ZMYND12: variants seen among roughly 807,000 people sequenced by gnomAD.
ZMYND12 encodes zinc finger MYND domain-containing protein 12.
Under a neutral mutation model 41.7 loss-of-function variants are expected in ZMYND12, and 32 were observed. That is an observed-to-expected ratio of 0.77 (90% CI 0.58 to 1.03). The LOEUF (loss-of-function observed/expected upper bound fraction) is 1.03, where lower values mean the gene tolerates loss of function less well. Among genes scored for constraint, ZMYND12 ranks in the 50% least tolerant of loss-of-function variants. ZMYND12 has a pLI of 0.00. For missense variants in ZMYND12, 424 were observed against 438.5 expected (o/e 0.97, Z 0.30); for synonymous variants, 148 against 164.8 (o/e 0.90, Z 0.78).
intron 5 of ZMYND12, among the ~76,000 whole-genome samples, chr1:42,436,122 A>G (rs1302477962): frequency 1.3e-5 from 2 of 152,220 alleles, no homozygotes; most frequent in Admixed American, 6.5e-5. Context: ...GCTTGCTGCT[A>G]TGGGTATGAC....
In ZMYND12 at chr1:42,440,082, G is replaced by C. The variant is rs938467726; in HGVS notation, c.425-57C>G. 6.6e-6 allele frequency: 10 copies of C among 1,508,808 alleles called. No individual in the cohort carries two copies. The African/African-American group carries it at 1.4e-4, about 21-fold the overall frequency. 93.5% of individuals were successfully genotyped at this position (1,508,808 alleles called of 1,614,324 possible). The stretch of plus-strand genomic sequence containing the variant: ...CATATCCAGGCCAAAGAACACATGA[G>C]GAAATATGAGTCATTACCCATTCAC... On this transcript the variant is annotated intron_variant, in intron 3 of 7. Coordinates refer to ENST00000372565, the MANE Select transcript of ZMYND12 (RefSeq NM_032257.5).
chr1:42,438,433 TA>T (rs773470924), intron 4 of ZMYND12, among the ~76,000 whole-genome samples: 1 of 152,130 alleles, frequency 6.6e-6, no homozygotes, highest in African/African-American at 2.4e-5. Context: ...GAAACAAGGT[TA>T]CCAGGGCCCA....
chr1:42,455,782 C>T lies in ZMYND12; in HGVS notation c.110+106G>A, dbSNP rs192999779. ...GTCTTAAAGCCGTTTTGAGGTGTCC[C>T]TTGCAGAGTCAGGGGCAACGGCTAA... On this transcript the variant is annotated intron_variant, in intron 1 of 7. Transcript: ENST00000372565. 4.1e-5 allele frequency: 34 copies of T among 821,384 alleles called. No individual in the cohort carries two copies. In the East Asian group the frequency reaches 7.8e-4, roughly 19 times the overall value. The allele number at this position is 821,384 out of a possible 1,614,324, so 50.9% of individuals were successfully genotyped here. A position where few individuals can be genotyped will look rare whatever the true frequency, so the allele number is the denominator to read the frequency against.
At chr1:42,436,395 C>T in intron 5 of ZMYND12, 26 bp downstream of exon 5, 1 of 1,611,794 alleles carries the variant, frequency 6.2e-7, no homozygotes, top group Non-Finnish European at 8.5e-7. Flanking sequence ...AGAGTGAAGG[C>T]TCAGCTCCCA....
At chr1:42,448,264 G>A (rs1643044694) in intron 3 of ZMYND12, among the ~76,000 whole-genome samples, 1 of 152,180 alleles carries the variant, frequency 6.6e-6, no homozygotes, top group Non-Finnish European at 1.5e-5. Context: ...TTTTGTGCAG[G>A]CCAGCTTGAG....
At chr1:42,444,322 T>G (rs908170408) in intron 3 of ZMYND12, among the ~76,000 whole-genome samples, 2 of 152,184 alleles carry the variant, frequency 1.3e-5, no homozygotes, top group Admixed American at 6.5e-5. Context: ...ATATTTGAAC[T>G]CAGGCTCTCC....
intron 6 of ZMYND12, among the ~76,000 whole-genome samples, chr1:42,434,253 C>T (rs961472098): frequency 8.5e-5 from 13 of 152,308 alleles, no homozygotes; most frequent in African/African-American, 4.8e-5. Context: ...TGATGCTGTA[C>T]GGTACTATTC....
Position 42,430,605 on chromosome 1 carries a change from G to A in ZMYND12, c.*131C>T. The A allele has an allele frequency of 8.4e-7, 1 of 1,185,504 alleles. No homozygotes were observed. The allele number at this position is 1,185,504 out of a possible 1,614,324, so 73.4% of individuals were successfully genotyped here. A position where few individuals can be genotyped will look rare whatever the true frequency, so the allele number is the denominator to read the frequency against. On this transcript the variant is annotated 3_prime_UTR_variant, in exon 8 of 8. Transcript: ENST00000372565. ...TGTGTAAGAAAAAAATAACAGCTAT[G>A]TGTGCAATCCCAGGGGAAGAGGGTG...
At chr1:42,453,505 G>A (rs1247561190) in intron 1 of ZMYND12, among the ~76,000 whole-genome samples, 5 of 152,130 alleles carry the variant, frequency 3.3e-5, no homozygotes, top group Non-Finnish European at 2.9e-5. Flanking sequence ...AGCATTAATG[G>A]AGCATAACAG....
chr1:42,436,302 C>G, intron 5 of ZMYND12, 119 bp downstream of exon 5: 7 of 1,452,454 alleles, frequency 4.8e-6, no homozygotes, highest in Non-Finnish European at 6.6e-6. Context: ...GGGCAAGCCA[C>G]TTCATCTCTC....
At chr1:42,440,146 A>C in intron 3 of ZMYND12, 121 bp from the exon 4 acceptor site, 1 of 1,099,584 alleles carries the variant, frequency 9.1e-7, no homozygotes, top group Non-Finnish European at 1.2e-6. Context: ...TGACACAGAA[A>C]AACTCATACA....
In ZMYND12 at chr1:42,433,272, T is replaced by C. The variant is rs1460473354; in HGVS notation, c.846A>G (p.Ala282=). The C allele has an allele frequency of 1.9e-6, 3 of 1,608,838 alleles. No individual in the cohort carries two copies. The highest frequency in any genetic ancestry group is 2.5e-6 in the Non-Finnish European group (3 of 1,178,596). The change falls in exon 7 of 8, where the codon GCA becomes GCG. Residue 282 remains alanine, a synonymous_variant. Transcript: ENST00000372565. ...TTGAAGTCAGGATGCGAATGGCTTC[T>C]GCTTCTTGGGCTTCATCTGCATTGG... ...NDTGLDEAQE[A]EAIRILTSIL...
rs114338399 is a variant in ZMYND12 at position 42,449,333 on chromosome 1, G to A, written c.252+585C>T. Reference sequence around the variant, plus strand: ...GGCCAGACTCTTGGCATCTGTGGATGTTATGGGCTGAACTGTGTCCCCTGC... The same window carrying A: ...GGCCAGACTCTTGGCATCTGTGGATATTATGGGCTGAACTGTGTCCCCTGC... On this transcript the variant is annotated intron_variant, in intron 2 of 7. Coordinates refer to ENST00000372565, the MANE Select transcript of ZMYND12 (RefSeq NM_032257.5). Among the ~76,000 whole-genome samples the A allele has an allele frequency of 7.6e-3, 1,157 of 152,282 alleles. 16 individuals carry two copies. The highest frequency in any genetic ancestry group is 0.027 in the African/African-American group (1,109 of 41,540).
At chr1:42,440,965 G>T (rs941728807) in intron 3 of ZMYND12, among the ~76,000 whole-genome samples, 1 of 152,054 alleles carries the variant, frequency 6.6e-6, no homozygotes, top group African/African-American at 2.4e-5. Flanking sequence ...ACTGTGTCTG[G>T]CCTTAATTGT....
chr1:42,431,244 GA>G, intron 7 of ZMYND12, among the ~76,000 whole-genome samples: 1 of 152,120 alleles, frequency 6.6e-6, no homozygotes. Flanking sequence ...TTTTGACTTG[GA>G]AAGAGGCTCC....
At position 42,455,819 on chromosome 1, in the gene ZMYND12, C is replaced by CA. The variant is rs1569586330; in HGVS notation, c.110+68dup. ...GGGGCAACGGCTAACGCAAGGTACC[C>CA]AAGCCAGACCCGGGAAAGGGAGAGA... On this transcript the variant is annotated intron_variant, in intron 1 of 7. Coordinates refer to ENST00000372565, the MANE Select transcript of ZMYND12 (RefSeq NM_032257.5). 3.0e-5 allele frequency: 39 copies of CA among 1,292,636 alleles called. No individual in the cohort carries two copies. The East Asian group carries it at 9.0e-4, about 30-fold the overall frequency. The allele number at this position is 1,292,636 out of a possible 1,614,324, so 80.1% of individuals were successfully genotyped here. A position where few individuals can be genotyped will look rare whatever the true frequency, so the allele number is the denominator to read the frequency against.
rs141214619 is a variant in ZMYND12 at position 42,449,101 on chromosome 1, C to T, written c.253-463G>A. ...TTAACTCTGCATTGTTCTAAGGCCA[C>T]TATCAAAGTGTCATAACACTAAAAT... On this transcript the variant is annotated intron_variant, in intron 2 of 7. Transcript: ENST00000372565. Among the ~76,000 whole-genome samples the T allele has an allele frequency of 2.3e-4, 35 of 152,256 alleles. No individual in the cohort carries two copies. In the East Asian group the frequency reaches 6.0e-3, roughly 26 times the overall value.
intron 3 of ZMYND12, among the ~76,000 whole-genome samples, chr1:42,443,297 G>A (rs1045241374): frequency 6.6e-6 from 1 of 152,194 alleles, no homozygotes; most frequent in Admixed American, 6.5e-5. Context: ...GTAAGTTCAG[G>A]CCTGCCTCTT....
At chr1:42,443,817 T>C (rs190994826) in intron 3 of ZMYND12, among the ~76,000 whole-genome samples, 1 of 152,266 alleles carries the variant, frequency 6.6e-6, no homozygotes, top group Admixed American at 6.5e-5. Flanking sequence ...CAATGCACAC[T>C]AAGACATGAT....
Sources: allele counts gnomAD v4.1 joint callset (sites outside exome capture counted in the v4.1 genomes callset), GRCh38; gene constraint gnomAD v4.1.1; transcripts MANE v1.5; gene names NCBI Gene and HGNC (gene_info 2026-07-23, HGNC 2026-07-21).